The following SLC4A5 variants were observed in gnomAD, a reference collection of about 807,000 sequenced individuals.
SLC4A5 encodes solute carrier family 4 member 5, also known as electrogenic sodium bicarbonate cotransporter 4.
In SLC4A5, 96 loss-of-function variants were observed where a neutral mutation model predicts 120.4. That is an observed-to-expected ratio of 0.80 (90% CI 0.68 to 0.94). The LOEUF (loss-of-function observed/expected upper bound fraction) is 0.94. SLC4A5 is among the 40% of genes least tolerant of loss of function. The probability of loss-of-function intolerance (pLI) is 0.00; values close to 1 mark genes in which losing one functional copy is unlikely to be tolerated. For missense variants in SLC4A5, 1,259 were observed against 1,459.5 expected (o/e 0.86, Z 2.24); for synonymous variants, 550 against 571.1 (o/e 0.96, Z 0.53).
At position 74,259,578 on chromosome 2, in the gene SLC4A5, G is replaced by C. The variant is rs201404795; in HGVS notation, c.867+10C>G. On this transcript the variant is annotated intron_variant, in intron 12 of 30. Coordinates refer to ENST00000394019, the Ensembl canonical transcript of SLC4A5. Reference sequence around the variant, plus strand: ...CCCTCCATTGCAGCTAAGTGCAGGGGTTTTACTACCTGGTCTGTGTTTGGG... The same window carrying C: ...CCCTCCATTGCAGCTAAGTGCAGGGCTTTTACTACCTGGTCTGTGTTTGGG... 3.1e-6 allele frequency: 5 copies of C among 1,614,152 alleles called. No individual in the cohort carries two copies. In the East Asian group the frequency reaches 1.1e-4, roughly 36 times the overall value.
chr2:74,296,696 G>A (rs1467048419), intron 7 of SLC4A5, among the ~76,000 whole-genome samples: 1 of 151,070 alleles, frequency 6.6e-6, no homozygotes, highest in African/African-American at 2.4e-5. Flanking sequence ...GGCTGAGGCA[G>A]GAGAATTGCT....
chr2:74,304,037 G>C (rs1672557954), intron 7 of SLC4A5, among the ~76,000 whole-genome samples: 1 of 151,852 alleles, frequency 6.6e-6, no homozygotes, highest in Non-Finnish European at 1.5e-5. Flanking sequence ...TTTTAGTAGA[G>C]ACGGGGTTTC....
chr2:74,302,265 C>A (rs1419527621), intron 7 of SLC4A5, among the ~76,000 whole-genome samples: 1 of 152,154 alleles, frequency 6.6e-6, no homozygotes, highest in Non-Finnish European at 1.5e-5. Context: ...CAGTAACACA[C>A]ACACATAGTA....
intron 4 of SLC4A5, among the ~76,000 whole-genome samples, chr2:74,329,163 G>A (rs1041948230): frequency 2.0e-5 from 3 of 152,214 alleles, no homozygotes; most frequent in African/African-American, 7.2e-5. Context: ...GCAGTAAAAC[G>A]GTGGCAATGT....
At chr2:74,261,364 G>A (rs1384280145) in intron 11 of SLC4A5, among the ~76,000 whole-genome samples, 1 of 152,228 alleles carries the variant, frequency 6.6e-6, no homozygotes, top group East Asian at 1.9e-4. Flanking sequence ...TCAGGACAGA[G>A]AGAGAAGACT....
chr2:74,235,246 T>G, intron 21 of SLC4A5, 32 bp from the exon 22 acceptor site: 1 of 1,569,870 alleles, frequency 6.4e-7, no homozygotes, highest in Non-Finnish European at 8.7e-7. Flanking sequence ...GTAAAAGAAG[T>G]GAGTAAAGCA....
intron 10 of SLC4A5, among the ~76,000 whole-genome samples, chr2:74,263,825 C>A (rs962041206): frequency 2.6e-5 from 4 of 152,202 alleles, no homozygotes; most frequent in Non-Finnish European, 5.9e-5. Flanking sequence ...TTTTTCTAGG[C>A]CATACCCCAG....
At chr2:74,309,558 AT>A (rs535027680) in intron 6 of SLC4A5, among the ~76,000 whole-genome samples, 40 of 152,330 alleles carry the variant, frequency 2.6e-4, no homozygotes, top group African/African-American at 8.9e-4. Flanking sequence ...ATCCAAAAAA[AT>A]AACTTGCTAA....
At chr2:74,281,476 GC>G (rs1423045991) in intron 8 of SLC4A5, among the ~76,000 whole-genome samples, 1 of 152,154 alleles carries the variant, frequency 6.6e-6, no homozygotes, top group African/African-American at 2.4e-5. Flanking sequence ...ATCTGATCCA[GC>G]CCTCCCTTCA....
chr2:74,298,799 G>A (rs1672399156), intron 7 of SLC4A5, among the ~76,000 whole-genome samples: 2 of 152,288 alleles, frequency 1.3e-5, no homozygotes, highest in South Asian at 4.1e-4. Context: ...TTGTCCCAGT[G>A]CCTCAGGAAG....
chr2:74,253,311 G>T (rs1670852488), intron 14 of SLC4A5, among the ~76,000 whole-genome samples, 183 bp from the exon 15 acceptor site: 4 of 152,176 alleles, frequency 2.6e-5, no homozygotes, highest in Admixed American at 2.6e-4. Flanking sequence ...GACACAGCAG[G>T]CACTGGGGGA....
At chr2:74,298,407 G>C (rs1029788648) in intron 7 of SLC4A5, among the ~76,000 whole-genome samples, 3 of 152,150 alleles carry the variant, frequency 2.0e-5, no homozygotes, top group Non-Finnish European at 4.4e-5. Context: ...TTATGCCACT[G>C]ACAAAAAATT....
At chr2:74,241,310 G>C (rs1257759530) in intron 20 of SLC4A5, among the ~76,000 whole-genome samples, 1 of 149,762 alleles carries the variant, frequency 6.7e-6, no homozygotes, top group Non-Finnish European at 1.5e-5. Context: ...CTGTCACCGA[G>C]GCTGGAGTGC....
At chr2:74,244,440 CCTTT>C (rs995663138) in intron 19 of SLC4A5, among the ~76,000 whole-genome samples, 8 of 139,060 alleles carry the variant, frequency 5.8e-5, no homozygotes, top group African/African-American at 1.7e-4. Context: ...TCTTTCCTTT[CCTTT>C]CTTTTCTTTC....
intron 5 of SLC4A5, among the ~76,000 whole-genome samples, chr2:74,327,690 G>T (rs56733174): frequency 0.039 from 5,969 of 152,210 alleles, 402 homozygotes; most frequent in African/African-American, 0.14. Flanking sequence ...TTTTCCCATG[G>T]TTTTCTGGGA....
chr2:74,243,748 G>A (rs1321483733), intron 19 of SLC4A5, among the ~76,000 whole-genome samples: 3 of 152,114 alleles, frequency 2.0e-5, no homozygotes, highest in Non-Finnish European at 1.5e-5. Flanking sequence ...CGAGAACTCT[G>A]TAGGGTTTAT....
At chr2:74,222,887 G>A (rs138995029) in exon 29 of SLC4A5, 507 of 1,613,460 alleles carry the variant, frequency 3.1e-4, no homozygotes, top group Admixed American at 2.5e-4. Flanking sequence ...AGTGGATACC[G>A]TTTTGGGGAT....
intron 8 of SLC4A5, among the ~76,000 whole-genome samples, chr2:74,284,584 G>C (rs538803927): frequency 1.1e-4 from 17 of 152,116 alleles, no homozygotes; most frequent in Non-Finnish European, 2.2e-4. Flanking sequence ...TGTAAAGAAG[G>C]TGGAGAAATA....
At chr2:74,313,049 CT>C (rs58455711) in intron 6 of SLC4A5, among the ~76,000 whole-genome samples, 5,668 of 107,858 alleles carry the variant, frequency 0.053, 239 homozygotes, top group African/African-American at 0.15. Context: ...CCTTTTTGGT[CT>C]TTTTTTTTTT....
Sources: allele counts gnomAD v4.1 joint callset (sites outside exome capture counted in the v4.1 genomes callset), GRCh38; gene constraint gnomAD v4.1.1; transcripts MANE v1.5; gene names NCBI Gene and HGNC (gene_info 2026-07-23, HGNC 2026-07-21).